The following USP44 variants were observed in gnomAD, a reference collection of about 807,000 sequenced individuals.
USP44 encodes ubiquitin carboxyl-terminal hydrolase 44.
USP44 carries 61 observed loss-of-function variants against 69.0 expected under a neutral mutation model. The observed-to-expected ratio is 0.88, with a 90% CI of 0.72 to 1.09. The LOEUF is 1.09. Ranked by LOEUF, USP44 falls within the 50% of genes least tolerant of loss-of-function variation. USP44 has a pLI of 0.00. For synonymous variants in USP44, 297 were observed against 295.4 expected (o/e 1.01, Z -0.06); for missense variants, 753 against 849.9 (o/e 0.89, Z 1.42).
intron 1 of USP44, among the ~76,000 whole-genome samples, chr12:95,544,700 G>T (rs1442675014): frequency 1.3e-5 from 2 of 151,914 alleles, no homozygotes; most frequent in Non-Finnish European, 2.9e-5. Context: ...TTCCTAAAAA[G>T]AATTAGTCTA....
intron 1 of USP44, among the ~76,000 whole-genome samples, chr12:95,538,979 A>G (rs1030670423): frequency 6.6e-6 from 1 of 152,252 alleles, no homozygotes; most frequent in Non-Finnish European, 1.5e-5. Context: ...TATTCATTTT[A>G]AAGAGGTATT....
chr12:95,520,199 A>C (rs572852621), intron 5 of USP44, among the ~76,000 whole-genome samples: 4 of 151,768 alleles, frequency 2.6e-5, no homozygotes, highest in Admixed American at 2.6e-4. Flanking sequence ...TAAGTATCAA[A>C]AGGGGAAGTA....
At chr12:95,524,198 A>C (rs1270237160) in intron 4 of USP44, among the ~76,000 whole-genome samples, 1 of 151,962 alleles carries the variant, frequency 6.6e-6, no homozygotes. Context: ...CTCCCGACTC[A>C]GCCTCCTGAG....
chr12:95,534,967 C>T lies in USP44; in HGVS notation c.-70-641G>A, dbSNP rs145464053. 2.4e-3 allele frequency among the ~76,000 whole-genome samples: 373 copies of T among 152,338 alleles called. 2 individuals carry two copies. Among genetic ancestry groups the T allele is most frequent in the African/African-American group, 7.9e-3 (327 of 41,578 alleles). On this transcript the variant is annotated intron_variant, in intron 1 of 5. Coordinates refer to ENST00000258499, the MANE Select transcript of USP44 (RefSeq NM_032147.5). ...AAGTGCTGGGATTACAGGCGTGAAC[C>T]ACTGTGCCTGGCCCCTTTTCTTAAT...
rs183019695 is a variant in USP44, at chr12:95,518,484, A to G, written c.1940-131T>C. Reference sequence around the variant, plus strand: ...AATTCATTTTTCTTTAATGAGAAATATAGATTGGGCAGTGTTACCCTGGAA... The same window carrying G: ...AATTCATTTTTCTTTAATGAGAAATGTAGATTGGGCAGTGTTACCCTGGAA... On this transcript the variant is annotated intron_variant, in intron 5 of 5. Coordinates refer to ENST00000258499, the MANE Select transcript of USP44 (RefSeq NM_032147.5). 571 of 915,614 alleles carry G rather than the reference A, an allele frequency of 6.2e-4. 3 individuals carry two copies. In the African/African-American group the frequency reaches 8.6e-3, roughly 14 times the overall value. The allele number at this position is 915,614 out of a possible 1,614,324, so 56.7% of individuals were successfully genotyped here. A position where few individuals can be genotyped will look rare whatever the true frequency, so the allele number is the denominator to read the frequency against.
Position 95,533,658 on chromosome 12 carries a change from T to G in USP44, c.599A>C (p.Gln200Pro), listed in dbSNP as rs756780448. Residue 200 changes from glutamine (Q) to proline (P), a missense_variant, in exon 2 of 6, where the codon CAA becomes CCA. Gln to Pro is a moderately conservative substitution (Grantham distance 76, BLOSUM62 -1). Coordinates refer to ENST00000258499, the MANE Select transcript of USP44 (RefSeq NM_032147.5). ...CATACTTTCCAATTCTGCTTTAACT[T>G]GATACTCCAATTCCTGCCGTCTTTT... ...VKKRRQELEY[Q>P]VKAELESMPP... The G allele has an allele frequency of 3.4e-5, 55 of 1,613,838 alleles. 1 individual carries two copies. In the South Asian group the frequency reaches 4.8e-4, roughly 14 times the overall value.
intron 1 of USP44, among the ~76,000 whole-genome samples, chr12:95,544,048 CTTTTT>C (rs1191045599): frequency 0.044 from 4,299 of 97,026 alleles, 64 homozygotes; most frequent in Non-Finnish European, 0.052. Flanking sequence ...TTTTAGTTAT[CTTTTT>C]TTTTTTTTTT....
chr12:95,532,906 G>C lies in USP44; in HGVS notation c.1351C>G (p.Pro451Ala). The C allele has an allele frequency of 6.2e-7, 1 of 1,613,608 alleles. No individual in the cohort carries two copies. The highest frequency in any genetic ancestry group is 8.5e-7 in the Non-Finnish European group (1 of 1,179,880). The change falls in exon 2 of 6, where the codon CCC becomes GCC. Residue 451 changes from proline (P) to alanine (A), a missense_variant. Physicochemically the swap from Pro to Ala is conservative, Grantham distance 27. Coordinates refer to ENST00000258499, the MANE Select transcript of USP44 (RefSeq NM_032147.5). ...TTGTSLPALI[P>A]TSQRKLIKQV... ...TTGATGAGTTTCCTTTGAGAAGTGG[G>C]GATAAGAGCTGGTAAACTGGTACCA...
chr12:95,516,852 T>C lies in USP44; in HGVS notation c.*1302A>G, dbSNP rs1275057465. ...GTGAACAGCATTCTACAGGATACTATCTTTCACTAAGACTTCAACCTGCAA... is the reference window on the plus strand; with the variant it reads ...GTGAACAGCATTCTACAGGATACTACCTTTCACTAAGACTTCAACCTGCAA... On this transcript the variant is annotated 3_prime_UTR_variant, in exon 6 of 6. Coordinates refer to ENST00000258499, the MANE Select transcript of USP44 (RefSeq NM_032147.5). The C allele has an allele frequency of 2.6e-5, 4 of 152,070 alleles. No individual in the cohort carries two copies. The highest frequency in any genetic ancestry group is 2.6e-4 in the Admixed American group (4 of 15,270). 9.4% of individuals were successfully genotyped at this position (152,070 alleles called of 1,614,324 possible). A position where few individuals can be genotyped will look rare whatever the true frequency, so the allele number is the denominator to read the frequency against.
intron 1 of USP44, among the ~76,000 whole-genome samples, chr12:95,539,700 G>C (rs1305284612): frequency 1.3e-5 from 2 of 152,134 alleles, no homozygotes; most frequent in Non-Finnish European, 2.9e-5. Flanking sequence ...CTATGACTGA[G>C]CATGCATTTT....
At chr12:95,519,727 C>T (rs1254606795) in intron 5 of USP44, among the ~76,000 whole-genome samples, 7 of 150,416 alleles carry the variant, frequency 4.7e-5, no homozygotes, top group Admixed American at 1.3e-4. Flanking sequence ...CCACCGCGCC[C>T]GGCCCTCAAT....
rs1022571367 is a variant in USP44, at chr12:95,518,209, C to T, written c.2084G>A (p.Gly695Glu). ...AGCGTCTTCATTGGGATGTTGGCTC[C>T]CCAACAGGAGCTCTGGAGGCAAAAG... Reference protein sequence around the residue: ...SKLLPPELLLGSQHPNEDADT... With the variant: ...SKLLPPELLLESQHPNEDADT... Residue 695 changes from glycine (G) to glutamate (E), a missense_variant, in exon 6 of 6, where the codon GGG becomes GAG. Gly to Glu is a moderately conservative substitution (Grantham distance 98). Coordinates refer to ENST00000258499, the MANE Select transcript of USP44 (RefSeq NM_032147.5). The T allele has an allele frequency of 7.4e-6, 12 of 1,613,920 alleles. No individual in the cohort carries two copies. The highest frequency in any genetic ancestry group is 1.0e-5 in the Non-Finnish European group (12 of 1,179,998).
Position 95,524,758 on chromosome 12 carries a change from A to G in USP44, c.1655T>C (p.Val552Ala). ...TTGTTTCTGGGCTTCTGTGAGTACAACTGGTTTGGAGGAAAACCTTCTACG... is the reference window on the plus strand; with the variant it reads ...TTGTTTCTGGGCTTCTGTGAGTACAGCTGGTTTGGAGGAAAACCTTCTACG... ...SKRRRFSSKP[V>A]VLTEAQKQLM... The change falls in exon 4 of 6, where the codon GTT becomes GCT. Residue 552 changes from valine to alanine, a missense_variant. By Grantham distance (64) the Val-to-Ala change is moderately conservative (BLOSUM62 0). Transcript: ENST00000258499. 1 of 1,612,098 alleles carries G rather than the reference A, an allele frequency of 6.2e-7. No individual in the cohort carries two copies.
rs145220201 is a variant in USP44, at chr12:95,528,988, T to A, written c.1443A>T (p.Ala481=). Reference sequence around the variant, plus strand: ...CTATGGTATTTGATTTGTTGTCACATGCAAGACATGTAACCTGCAAATGAG... The same window carrying A: ...CTATGGTATTTGATTTGTTGTCACAAGCAAGACATGTAACCTGCAAATGAG... The part of the protein sequence containing the change: ...GQLLSQVTCL[A]CDNKSNTIEP... The change falls in exon 3 of 6, where the codon GCA becomes GCT. Residue 481 remains alanine, a synonymous_variant. Transcript: ENST00000258499. The A allele has an allele frequency of 1.1e-5, 17 of 1,611,592 alleles. No individual in the cohort carries two copies. The South Asian group carries it at 1.9e-4, about 18-fold the overall frequency.
chr12:95,541,136 G>A (rs1468650210), intron 1 of USP44, among the ~76,000 whole-genome samples: 6 of 152,060 alleles, frequency 3.9e-5, no homozygotes, highest in African/African-American at 1.2e-4. Flanking sequence ...AAAATTAGCC[G>A]GGCATGGTGG....
chr12:95,544,211 T>C (rs2077498768), intron 1 of USP44, among the ~76,000 whole-genome samples: 1 of 150,786 alleles, frequency 6.6e-6, no homozygotes, highest in Non-Finnish European at 1.5e-5. Context: ...CCCGCCACCA[T>C]GCCCGGCTAA....
At chr12:95,542,501 T>G (rs1421067049) in intron 1 of USP44, among the ~76,000 whole-genome samples, 5 of 152,150 alleles carry the variant, frequency 3.3e-5, no homozygotes, top group Non-Finnish European at 7.4e-5. Flanking sequence ...CACAGTGGCT[T>G]ACGCTTGTAA....
intron 1 of USP44, among the ~76,000 whole-genome samples, chr12:95,549,382 G>T (rs1478348572): frequency 6.6e-6 from 1 of 152,138 alleles, no homozygotes; most frequent in Non-Finnish European, 1.5e-5. Context: ...CCGCTATCTA[G>T]AACTGCCTAA....
chr12:95,519,614 T>A (rs1249180324), intron 5 of USP44, among the ~76,000 whole-genome samples: 8 of 151,224 alleles, frequency 5.3e-5, no homozygotes, highest in South Asian at 4.2e-4. Context: ...CTAATTTTTT[T>A]TTTTTATTTT....
Sources: gnomAD v4.1 joint callset for allele counts (sites outside exome capture counted in the v4.1 genomes callset) on GRCh38, gnomAD v4.1.1 for gene constraint, MANE v1.5 for transcripts, NCBI Gene and HGNC (gene_info 2026-07-23, HGNC 2026-07-21) for gene names.